NUP210: variants seen among roughly 807,000 people sequenced by gnomAD.
NUP210 encodes the protein nucleoporin 210.
Under a neutral mutation model 196.0 loss-of-function variants are expected in NUP210, and 151 were observed. The ratio of observed to expected loss-of-function variants is 0.77; its 90% CI spans 0.67 to 0.88. NUP210 has a LOEUF of 0.88. Ranked by LOEUF, NUP210 falls within the 40% of genes least tolerant of loss-of-function variation. The probability of loss-of-function intolerance (pLI) is 0.00; values close to 1 mark genes in which losing one functional copy is unlikely to be tolerated. For synonymous variants in NUP210, 1,070 were observed against 1,052.7 expected, an observed-to-expected ratio of 1.02 and a Z score of -0.32; for missense variants, 2,314 against 2,493.7, an observed-to-expected ratio of 0.93 and a Z score of 1.53.
chr3:13,376,510 G>T, intron 9 of NUP210, 79 bp from the exon 10 acceptor site: 2 of 1,557,064 alleles, frequency 1.3e-6, no homozygotes, highest in Non-Finnish European at 8.8e-7. Context: ...GAAGCTACAG[G>T]ACTGAAACCA....
Position 13,379,017 on chromosome 3 carries a change from A to T in NUP210, c.977-37T>A. ...ATTAAGGGGCAAGACATATGACAGC[A>T]AATAAACCAGCTGGCTGGCCAGTTT... is the stretch of plus-strand genomic sequence containing the variant. On this transcript the variant is annotated intron_variant, in intron 7 of 39. Coordinates refer to ENST00000254508, the MANE Select transcript of NUP210 (RefSeq NM_024923.4). The surrounding 1 kb of genome is among the most constrained non-coding windows in gnomAD (Gnocchi z 4.2). 6.4e-7 allele frequency: 1 copy of T among 1,566,256 alleles called. No individual in the cohort carries two copies. Among genetic ancestry groups the T allele is most frequent in the Non-Finnish European group, 8.8e-7 (1 of 1,136,410 alleles).
At chr3:13,339,057 C>T (rs564492120) in intron 25 of NUP210, among the ~76,000 whole-genome samples, 2 of 152,296 alleles carry the variant, frequency 1.3e-5, no homozygotes, top group East Asian at 3.9e-4. Context: ...CATCTGAACC[C>T]TACCCCATCC....
At position 13,317,481 on chromosome 3, in the gene NUP210, C is replaced by A; in HGVS notation, c.*200G>T. 1 of 580,296 alleles carries A rather than the reference C, an allele frequency of 1.7e-6. No homozygotes were observed. Among genetic ancestry groups the A allele is most frequent in the East Asian group, 2.9e-5 (1 of 34,268 alleles). 35.9% of individuals were successfully genotyped at this position (580,296 alleles called of 1,614,324 possible). A position where few individuals can be genotyped will look rare whatever the true frequency, so the allele number is the denominator to read the frequency against. The stretch of plus-strand genomic sequence containing the variant: ...TAAGACTTGAAAGGAAAAAAACACA[C>A]ATTTAAAACTCCTACATAAAATGAG... On this transcript the variant is annotated 3_prime_UTR_variant, in exon 40 of 40. Transcript: ENST00000254508.
At position 13,375,488 on chromosome 3, in the gene NUP210, G is replaced by A. The variant is rs1698870056; in HGVS notation, c.1431+16C>T. ...ACACCAAAGGAATGCACGCAGAGGT[G>A]AGGGGTCTCACGTACCCTTATTGTG... On this transcript the variant is annotated intron_variant, in intron 11 of 39. Transcript: ENST00000254508. 6.2e-7 allele frequency: 1 copy of A among 1,611,622 alleles called. No individual in the cohort carries two copies. The highest frequency in any genetic ancestry group is 8.5e-7 in the Non-Finnish European group (1 of 1,178,084).
At chr3:13,345,548 G>A (rs550274446) in intron 20 of NUP210, among the ~76,000 whole-genome samples, 94 of 152,308 alleles carry the variant, frequency 6.2e-4, no homozygotes, top group Non-Finnish European at 1.2e-3. Flanking sequence ...CTGGGGGCAC[G>A]GAGGATCAAC....
chr3:13,320,351 A>G (rs1696469813), intron 36 of NUP210, among the ~76,000 whole-genome samples: 1 of 152,184 alleles, frequency 6.6e-6, no homozygotes, highest in African/African-American at 2.4e-5. Context: ...AGGCTAAACC[A>G]GGCTGGGCGC....
At position 13,317,454 on chromosome 3, in the gene NUP210, T is replaced by C; in HGVS notation, c.*227A>G. ...GGAATGAGCCAAAAAGTCTTAGCTT[T>C]GTAAGACTTGAAAGGAAAAAAACAC... On this transcript the variant is annotated 3_prime_UTR_variant, in exon 40 of 40. Coordinates refer to ENST00000254508, the MANE Select transcript of NUP210 (RefSeq NM_024923.4). The C allele has an allele frequency of 1.8e-6, 1 of 554,482 alleles. No individual in the cohort carries two copies. Among genetic ancestry groups the C allele is most frequent in the East Asian group, 3.1e-5 (1 of 32,000 alleles). The allele number at this position is 554,482 out of a possible 1,614,324, so 34.3% of individuals were successfully genotyped here.
In NUP210 at chr3:13,379,815, T is replaced by G; in HGVS notation, c.818-94A>C. On this transcript the variant is annotated intron_variant, in intron 6 of 39. Transcript: ENST00000254508. The surrounding 1 kb of genome is among the most constrained non-coding windows in gnomAD (Gnocchi z 4.2). Reference sequence around the variant, plus strand: ...CACTCCCACTGCCACCCCGAATCTCTGCACTCTGCTCTCAGTACAGCTGAC... The same window carrying G: ...CACTCCCACTGCCACCCCGAATCTCGGCACTCTGCTCTCAGTACAGCTGAC... The G allele has an allele frequency of 1.7e-5, 18 of 1,067,936 alleles. No homozygotes were observed. Among genetic ancestry groups the G allele is most frequent in the East Asian group, 2.6e-5 (1 of 39,014 alleles). The allele number at this position is 1,067,936 out of a possible 1,614,324, so 66.2% of individuals were successfully genotyped here.
intron 1 of NUP210, among the ~76,000 whole-genome samples, chr3:13,400,918 C>T (rs918048774): frequency 5.7e-5 from 8 of 139,252 alleles, no homozygotes; most frequent in South Asian, 4.2e-4. Flanking sequence ...TCCACAGCCA[C>T]GAGTATTCTG....
chr3:13,327,068 G>A (rs1696787572), intron 32 of NUP210, 149 bp downstream of exon 32: 1 of 633,396 alleles, frequency 1.6e-6, no homozygotes, highest in African/African-American at 1.8e-5. Flanking sequence ...TGGTCTCCGG[G>A]CAGCAGTTTT....
chr3:13,347,295 G>A lies in NUP210; in HGVS notation c.2836-3992C>T, dbSNP rs1487964635. The A allele has an allele frequency of 2.0e-6, 2 of 985,306 alleles. No individual in the cohort carries two copies. The highest frequency in any genetic ancestry group is 2.4e-6 in the Non-Finnish European group (2 of 829,928). The allele number at this position is 985,306 out of a possible 1,614,324, so 61.0% of individuals were successfully genotyped here. On this transcript the variant is annotated intron_variant, in intron 20 of 39. Coordinates refer to ENST00000254508, the MANE Select transcript of NUP210 (RefSeq NM_024923.4). The surrounding 1 kb of genome is among the most constrained non-coding windows in gnomAD (Gnocchi z 4.7). ...CACTCCAGCGTCTCTGAGTGCACGA[G>A]TTAATGGGAAATGTAAAGTGCCCAG...
intron 1 of NUP210, among the ~76,000 whole-genome samples, chr3:13,413,420 A>C (rs1700242967): frequency 6.6e-6 from 1 of 152,030 alleles, no homozygotes; most frequent in African/African-American, 2.4e-5. Flanking sequence ...CAGTGAGCCA[A>C]GATCGCACCA....
Position 13,397,341 on chromosome 3 carries a change from C to T in NUP210, c.436+16G>A. On this transcript the variant is annotated intron_variant, in intron 3 of 39. Coordinates refer to ENST00000254508, the MANE Select transcript of NUP210 (RefSeq NM_024923.4). ...GCATGGGCTGCAGAAGACAAACAGG[C>T]AGGGGACGTTCTCACCTTCGGAGTC... 1.2e-6 allele frequency: 2 copies of T among 1,606,780 alleles called. No individual in the cohort carries two copies. The highest frequency in any genetic ancestry group is 1.7e-6 in the Non-Finnish European group (2 of 1,177,528).
rs762113550 is a variant in NUP210, at chr3:13,330,529, C to T, written c.4041G>A (p.Gly1347=). Residue 1347 remains glycine, a synonymous_variant, in exon 30 of 40, where the codon GGG becomes GGA. Coordinates refer to ENST00000254508, the MANE Select transcript of NUP210 (RefSeq NM_024923.4). ...GTGCAATCACTTCGATGGTGGATGT[C>T]CCGATCATAGACCCTGATGCTAGAA... is the stretch of plus-strand genomic sequence containing the variant. ...KGFLASGSMI[G]TSTIEVIAQE... 14 of 1,614,106 alleles carry T rather than the reference C, an allele frequency of 8.7e-6. No homozygotes were observed. The highest frequency in any genetic ancestry group is 1.1e-5 in the Non-Finnish European group (13 of 1,180,042).
At chr3:13,389,060 G>A (rs960969533) in intron 4 of NUP210, among the ~76,000 whole-genome samples, 10 of 152,226 alleles carry the variant, frequency 6.6e-5, no homozygotes, top group Non-Finnish European at 1.5e-4. Context: ...TCCTTCCCAC[G>A]CAGCCTCCCA....
At chr3:13,384,455 G>A (rs1699209924) in intron 6 of NUP210, among the ~76,000 whole-genome samples, 1 of 152,136 alleles carries the variant, frequency 6.6e-6, no homozygotes. Context: ...GAGCTGTTGG[G>A]TTATATCCAG....
chr3:13,343,800 C>T (rs767722927), intron 20 of NUP210, among the ~76,000 whole-genome samples: 4 of 152,176 alleles, frequency 2.6e-5, no homozygotes, highest in Admixed American at 6.5e-5. Context: ...TGGCAGAAAA[C>T]GAGGCAGATG....
chr3:13,413,383 T>G (rs1355285593), intron 1 of NUP210, among the ~76,000 whole-genome samples: 1 of 151,072 alleles, frequency 6.6e-6, no homozygotes, highest in East Asian at 1.9e-4. Flanking sequence ...GGCAGGAGAA[T>G]GGCATGAACC....
intron 1 of NUP210, among the ~76,000 whole-genome samples, chr3:13,412,319 C>T (rs1387888081): frequency 6.0e-5 from 9 of 150,278 alleles, no homozygotes; most frequent in African/African-American, 2.2e-4. Context: ...CCTCCTGCCT[C>T]AACCTCCCAA....
Sources: allele counts gnomAD v4.1 joint callset (sites outside exome capture counted in the v4.1 genomes callset), GRCh38; gene constraint gnomAD v4.1.1; non-coding constraint Gnocchi (gnomAD v3.1); transcripts MANE v1.5; gene names NCBI Gene and HGNC (gene_info 2026-07-23, HGNC 2026-07-21).